Variants in TENM4 observed in about 807,000 individuals in gnomAD.
The protein encoded by TENM4 is teneurin transmembrane protein 4.
In TENM4, 82 loss-of-function variants were observed where a neutral mutation model predicts 243.3. That is an observed-to-expected ratio of 0.34 (90% confidence interval 0.28 to 0.40). The LOEUF is 0.40. Among genes scored for constraint, TENM4 ranks in the 10% least tolerant of loss-of-function variants. The pLI, the probability that TENM4 is intolerant of heterozygous loss-of-function variation, is 1.00. For synonymous variants in TENM4, 1,412 were observed against 1,456.3 expected (o/e 0.97, Z 0.69); for missense variants, 3,138 against 3,673.3 (o/e 0.85, Z 3.77).
intron 3 of TENM4, among the ~76,000 whole-genome samples, chr11:79,151,736 A>G (rs1470282698): frequency 6.6e-6 from 1 of 152,048 alleles, no homozygotes; most frequent in African/African-American, 2.4e-5. Flanking sequence ...GCACAGATGA[A>G]CCTAGACACT....
At chr11:79,417,019 A>C (rs931175147) in intron 1 of TENM4, among the ~76,000 whole-genome samples, 3 of 152,228 alleles carry the variant, frequency 2.0e-5, no homozygotes, top group Non-Finnish European at 2.9e-5. Context: ...CCTGATCAAT[A>C]TCTCAATACT....
At chr11:78,786,628 T>C (rs1856941354) in intron 16 of TENM4, among the ~76,000 whole-genome samples, 1 of 152,230 alleles carries the variant, frequency 6.6e-6, no homozygotes, top group Admixed American at 6.5e-5. Context: ...ATACCGCATG[T>C]AGCCTTGGAG....
At chr11:79,191,887 C>G (rs1863508915) in intron 3 of TENM4, 1 of 173,440 alleles carries the variant, frequency 5.8e-6, no homozygotes, top group Admixed American at 6.3e-5. Flanking sequence ...GCCCCTCCGC[C>G]TGGCTGCCAC....
intron 4 of TENM4, chr11:79,076,318 A>C (rs1860534479): frequency 6.6e-6 from 1 of 152,348 alleles, no homozygotes; most frequent in African/African-American, 2.4e-5. Context: ...GCTACTGATA[A>C]AGACATACCT....
At chr11:79,358,103 TA>T (rs1857527459) in intron 1 of TENM4, among the ~76,000 whole-genome samples, 1 of 152,188 alleles carries the variant, frequency 6.6e-6, no homozygotes, top group Non-Finnish European at 1.5e-5. Flanking sequence ...ACTCTCCTCC[TA>T]AAGGCTTCTG....
chr11:78,893,780 T>TACACACACAC (rs368536086), intron 7 of TENM4, among the ~76,000 whole-genome samples: 5 of 142,670 alleles, frequency 3.5e-5, no homozygotes, highest in African/African-American at 8.3e-5. Flanking sequence ...GGACTTCACA[T>TACACACACAC]ACACACACAC....
At chr11:79,153,622 G>A (rs1862550154) in intron 3 of TENM4, among the ~76,000 whole-genome samples, 1 of 152,188 alleles carries the variant, frequency 6.6e-6, no homozygotes, top group Admixed American at 6.5e-5. Context: ...GGCAGTGTGG[G>A]AAACCGAAGC....
intron 1 of TENM4, among the ~76,000 whole-genome samples, chr11:79,411,747 G>A (rs1178421241): frequency 6.6e-6 from 1 of 152,162 alleles, no homozygotes; most frequent in Non-Finnish European, 1.5e-5. Context: ...TGTAAGCTCA[G>A]GAAGAATTTG....
chr11:79,286,884 G>C (rs1474170079), intron 2 of TENM4, among the ~76,000 whole-genome samples: 4 of 152,116 alleles, frequency 2.6e-5, no homozygotes, highest in Admixed American at 6.6e-5. Flanking sequence ...AGAATTTAGA[G>C]AGGAAAACAA....
rs556317817 is a variant in TENM4, at chr11:78,978,820, C to T, written c.494-75297G>A. Among the ~76,000 whole-genome samples, 84 of 152,272 alleles carry T rather than the reference C, an allele frequency of 5.5e-4. 1 individual carries two copies. The highest frequency in any genetic ancestry group is 1.9e-3 in the African/African-American group (79 of 41,562). On this transcript the variant is annotated intron_variant, in intron 6 of 33. Transcript: ENST00000278550. The stretch of plus-strand genomic sequence containing the variant: ...GCTCAGAAGTTCAGATCTTGCCCTA[C>T]TCTGGAGAGCAGAGTCTGACTGCTG...
At chr11:78,734,829 T>C (rs190063362) in intron 20 of TENM4, among the ~76,000 whole-genome samples, 52 of 152,318 alleles carry the variant, frequency 3.4e-4, no homozygotes, top group Non-Finnish European at 6.3e-4. Context: ...ACTAGCCCAG[T>C]GCTTGATGCT....
chr11:79,425,869 C>A (rs894228147), intron 1 of TENM4, among the ~76,000 whole-genome samples: 8 of 152,148 alleles, frequency 5.3e-5, no homozygotes, highest in African/African-American at 1.9e-4. Context: ...GACAACAGAT[C>A]AAGAAATAAC....
At chr11:79,239,064 C>A (rs186192692) in intron 2 of TENM4, among the ~76,000 whole-genome samples, 4 of 152,086 alleles carry the variant, frequency 2.6e-5, no homozygotes, top group African/African-American at 9.7e-5. Context: ...GAATTAGGTG[C>A]TCTCAGTTGA....
intron 3 of TENM4, among the ~76,000 whole-genome samples, chr11:79,170,575 T>G (rs190763117): frequency 5.3e-5 from 8 of 152,134 alleles, no homozygotes; most frequent in Admixed American, 3.9e-4. Flanking sequence ...GACACAGACA[T>G]GCACACAGGG....
At chr11:79,323,877 C>A (rs1341233766) in intron 1 of TENM4, among the ~76,000 whole-genome samples, 1 of 135,492 alleles carries the variant, frequency 7.4e-6, no homozygotes, top group African/African-American at 2.6e-5. Context: ...TTTTCTCCAT[C>A]CCTATACACA....
intron 6 of TENM4, among the ~76,000 whole-genome samples, chr11:78,982,346 G>GCT (rs1857818202): frequency 6.6e-6 from 1 of 152,122 alleles, no homozygotes; most frequent in African/African-American, 2.4e-5. Context: ...TCCACTCGCG[G>GCT]CTGTGGCCTC....
chr11:79,255,575 C>T (rs7118359), intron 2 of TENM4, among the ~76,000 whole-genome samples: 48,017 of 152,048 alleles, frequency 0.32, 8,473 homozygotes, highest in East Asian at 0.56. Context: ...TTAAAAATGA[C>T]GGCATACAGC....
chr11:79,323,906 T>C (rs1856932379), intron 1 of TENM4, among the ~76,000 whole-genome samples: 3 of 151,032 alleles, frequency 2.0e-5, no homozygotes, highest in Admixed American at 2.0e-4. Context: ...CACACACATA[T>C]ATACACTGAC....
Position 79,069,952 on chromosome 11 carries a change from G to C in TENM4, c.-8C>G. On this transcript the variant is annotated 5_prime_UTR_variant, in exon 5 of 34. Transcript: ENST00000278550. ...CCTCTCCTTCACGTCCATGGCCTCC[G>C]GCCCGCGCTCCTCCACATCCACAAA... is the stretch of plus-strand genomic sequence containing the variant. 6.5e-7 allele frequency: 1 copy of C among 1,543,938 alleles called. No individual in the cohort carries two copies. The highest frequency in any genetic ancestry group is 8.7e-7 in the Non-Finnish European group (1 of 1,146,004).
Sources: gnomAD v4.1 joint callset for allele counts (sites outside exome capture counted in the v4.1 genomes callset) on GRCh38, gnomAD v4.1.1 for gene constraint, MANE v1.5 for transcripts, NCBI Gene and HGNC (gene_info 2026-07-23, HGNC 2026-07-21) for gene names.